The following SOS1 variants were observed in gnomAD, a reference collection of about 807,000 sequenced individuals.
SOS1 encodes the protein son of sevenless homolog 1.
In SOS1, 25 loss-of-function variants were observed where a neutral mutation model predicts 157.6. That is an observed-to-expected ratio of 0.16 (90% CI 0.12 to 0.22). SOS1 has a LOEUF of 0.22. SOS1 is among the 10% of genes least tolerant of loss of function. The pLI is 1.00. For missense variants in SOS1, 1,237 were observed against 1,599.1 expected (o/e 0.77, Z 3.86); for synonymous variants, 528 against 534.0 (o/e 0.99, Z 0.16).
At chr2:39,000,179 G>GCA (rs1669045306) in intron 17 of SOS1, among the ~76,000 whole-genome samples, 1 of 152,170 alleles carries the variant, frequency 6.6e-6, no homozygotes, top group Non-Finnish European at 1.5e-5. Context: ...CTTATAAGTA[G>GCA]CACTTTGGTA....
At position 38,982,702 on chromosome 2, in the gene SOS1, T is replaced by C. The variant is rs533062082; in HGVS notation, c.*3122A>G. 1 of 152,268 alleles carries C rather than the reference T, an allele frequency of 6.6e-6. No individual in the cohort carries two copies. The highest frequency in any genetic ancestry group is 1.9e-4 in the East Asian group (1 of 5,180). The allele number at this position is 152,268 out of a possible 1,614,324, so 9.4% of individuals were successfully genotyped here. A position where few individuals can be genotyped will look rare whatever the true frequency, so the allele number is the denominator to read the frequency against. ...CACTCCTCCTATTTTGCTGAGTCAC[T>C]TAAAAATCTGAATTTAAGCTGTCAT... On this transcript the variant is annotated 3_prime_UTR_variant, in exon 23 of 23. Coordinates refer to ENST00000402219, the MANE Select transcript of SOS1 (RefSeq NM_005633.4).
chr2:39,010,509 AC>A (rs1669432107), intron 15 of SOS1, 74 bp downstream of exon 15: 2 of 1,443,358 alleles, frequency 1.4e-6, no homozygotes, highest in African/African-American at 2.8e-5. Context: ...CTCAAAAAAA[AC>A]AAACAAAAAA....
chr2:38,988,924 T>TATGCGC (rs1259831555), intron 21 of SOS1, among the ~76,000 whole-genome samples: 1 of 146,604 alleles, frequency 6.8e-6, no homozygotes, highest in African/African-American at 2.5e-5. Flanking sequence ...AGCATTCCCA[T>TATGCGC]ATGCGCATGC....
At chr2:39,048,917 C>T (rs1177907705) in intron 6 of SOS1, among the ~76,000 whole-genome samples, 1 of 152,072 alleles carries the variant, frequency 6.6e-6, no homozygotes, top group Admixed American at 6.6e-5. Flanking sequence ...TTAAACCTCT[C>T]AGTGTATCCT....
intron 1 of SOS1, among the ~76,000 whole-genome samples, chr2:39,110,424 T>TAC (rs1166353839): frequency 7.2e-6 from 1 of 139,032 alleles, no homozygotes; most frequent in African/African-American, 3.3e-5. Context: ...CATATATACA[T>TAC]ACACACGAAT....
chr2:39,106,613 A>AC (rs397783934), intron 1 of SOS1, among the ~76,000 whole-genome samples: 8 of 148,568 alleles, frequency 5.4e-5, no homozygotes, highest in East Asian at 1.9e-4. Context: ...AAAAAAAAAA[A>AC]CAAAACATCT....
intron 1 of SOS1, among the ~76,000 whole-genome samples, chr2:39,103,877 ATGAG>A (rs1673066183): frequency 6.6e-6 from 1 of 152,252 alleles, no homozygotes; most frequent in African/African-American, 2.4e-5. Context: ...TTGGGTTTAA[ATGAG>A]AGAAAATATT....
chr2:39,033,271 A>C (rs1025661879), intron 8 of SOS1, among the ~76,000 whole-genome samples: 2 of 151,808 alleles, frequency 1.3e-5, no homozygotes, highest in African/African-American at 4.8e-5. Context: ...ATTAGACAAA[A>C]TTTCCTGCCC....
chr2:39,089,530 C>CAAAA lies in SOS1; in HGVS notation c.88-21781_88-21778dup, dbSNP rs56688960. ...GGCAACAAGAACAAGACTCTGTCTC[C>CAAAA]AAAAAAAAAAAAAAAAAGAAAGAAA... is the stretch of plus-strand genomic sequence containing the variant. On this transcript the variant is annotated intron_variant, in intron 1 of 22. Transcript: ENST00000402219. Among the ~76,000 whole-genome samples, 5 of 118,100 alleles carry CAAAA rather than the reference C, an allele frequency of 4.2e-5. No individual in the cohort carries two copies. The South Asian group carries it at 8.7e-4, about 20-fold the overall frequency. 77.5% of individuals were successfully genotyped at this position (118,100 alleles called of 152,430 possible). A position where few individuals can be genotyped will look rare whatever the true frequency, so the allele number is the denominator to read the frequency against.
At chr2:39,091,460 A>G (rs985868611) in intron 1 of SOS1, among the ~76,000 whole-genome samples, 4 of 152,150 alleles carry the variant, frequency 2.6e-5, no homozygotes, top group African/African-American at 4.8e-5. Flanking sequence ...ATAATCGTCT[A>G]TAAGCCCCTT....
chr2:39,006,880 A>G, intron 16 of SOS1, 151 bp downstream of exon 16: 1 of 663,544 alleles, frequency 1.5e-6, no homozygotes, highest in Non-Finnish European at 2.6e-6. Flanking sequence ...AAAAGCAACC[A>G]ATTCATTACA....
chr2:38,996,871 A>G lies in SOS1; in HGVS notation c.3081+51T>C, dbSNP rs181231146. The G allele has an allele frequency of 6.8e-4, 622 of 921,252 alleles. 2 individuals carry two copies. The African/African-American group carries it at 8.0e-3, about 12-fold the overall frequency. 57.1% of individuals were successfully genotyped at this position (921,252 alleles called of 1,614,324 possible). A position where few individuals can be genotyped will look rare whatever the true frequency, so the allele number is the denominator to read the frequency against. On this transcript the variant is annotated intron_variant, in intron 19 of 22. Coordinates refer to ENST00000402219, the MANE Select transcript of SOS1 (RefSeq NM_005633.4). ...CCTGAATACCTTTATGGAAAACTAT[A>G]TAACACATATGGTAGTAATGACATC...
At chr2:39,071,718 G>GT (rs1196554425) in intron 1 of SOS1, among the ~76,000 whole-genome samples, 1 of 152,142 alleles carries the variant, frequency 6.6e-6, no homozygotes, top group Non-Finnish European at 1.5e-5. Flanking sequence ...AAAGTTCACT[G>GT]TTTTTCAAAG....
chr2:39,035,275 A>G lies in SOS1; in HGVS notation c.1011T>C (p.Tyr337=), dbSNP rs776605152. 9.9e-6 allele frequency: 16 copies of G among 1,614,016 alleles called. No individual in the cohort carries two copies. Among genetic ancestry groups the G allele is most frequent in the Non-Finnish European group, 1.4e-5 (16 of 1,179,902 alleles). Reference sequence around the variant, plus strand: ...GGGCCAGAAGCAGCCTGGGTAAAACATATTGAACAGCTTCTTTGAAACCTT... The same window carrying G: ...GGGCCAGAAGCAGCCTGGGTAAAACGTATTGAACAGCTTCTTTGAAACCTT... ...IGEGFKEAVQ[Y]VLPRLLLAPV... Residue 337 remains tyrosine (Y), a synonymous_variant, in exon 8 of 23, where the codon TAT becomes TAC. Coordinates refer to ENST00000402219, the MANE Select transcript of SOS1 (RefSeq NM_005633.4).
chr2:38,998,392 G>A (rs893097742), intron 17 of SOS1, among the ~76,000 whole-genome samples: 1 of 152,134 alleles, frequency 6.6e-6, no homozygotes, highest in African/African-American at 2.4e-5. Context: ...TGGGATTACA[G>A]GCATATGCCA....
At chr2:39,114,899 A>T (rs1270188708) in intron 1 of SOS1, among the ~76,000 whole-genome samples, 1 of 151,832 alleles carries the variant, frequency 6.6e-6, no homozygotes, top group Admixed American at 6.6e-5. Context: ...CACACAGCCA[A>T]CTCTTTTCTT....
chr2:38,988,497 T>C (rs1256602065), intron 21 of SOS1, among the ~76,000 whole-genome samples: 1 of 152,162 alleles, frequency 6.6e-6, no homozygotes, highest in African/African-American at 2.4e-5. Flanking sequence ...GGCAGTTTTT[T>C]TTCCCTTTAA....
Position 39,054,307 on chromosome 2 carries a change from T to C in SOS1, c.720+307A>G, listed in dbSNP as rs115212396. ...ACAGTTGGCATTGATGAAGTGTAGGTTGAATGATTCAAATGACTCAAACAA... is the reference window on the plus strand; with the variant it reads ...ACAGTTGGCATTGATGAAGTGTAGGCTGAATGATTCAAATGACTCAAACAA... On this transcript the variant is annotated intron_variant, in intron 5 of 22. Coordinates refer to ENST00000402219, the MANE Select transcript of SOS1 (RefSeq NM_005633.4). Among the ~76,000 whole-genome samples the C allele has an allele frequency of 3.8e-3, 578 of 152,332 alleles. 5 individuals are homozygous for C. The highest frequency in any genetic ancestry group is 0.013 in the African/African-American group (521 of 41,572).
chr2:39,045,273 A>AGAGAGAGAGTGT (rs138343013), intron 6 of SOS1, among the ~76,000 whole-genome samples: 82 of 108,080 alleles, frequency 7.6e-4, no homozygotes, highest in Admixed American at 1.3e-3. Flanking sequence ...AGAGAGAGAG[A>AGAGAGAGAGTGT]GTGTGTGTGT....
Sources: gnomAD v4.1 joint callset for allele counts (sites outside exome capture counted in the v4.1 genomes callset) on GRCh38, gnomAD v4.1.1 for gene constraint, MANE v1.5 for transcripts, NCBI Gene and HGNC (gene_info 2026-07-23, HGNC 2026-07-21) for gene names.